The following TRAPPC9 variants were observed in gnomAD, a reference collection of about 807,000 sequenced individuals.
TRAPPC9 encodes IKK2 binding protein.
A neutral mutation model predicts 124.0 loss-of-function variants in TRAPPC9; 83 were observed. The ratio of observed to expected loss-of-function variants is 0.67; its 90% confidence interval spans 0.56 to 0.80. The LOEUF is 0.80. Ranked by LOEUF, TRAPPC9 falls within the 30% of genes least tolerant of loss-of-function variation. The pLI is 0.00. For synonymous variants in TRAPPC9, 638 were observed against 617.5 expected, an observed-to-expected ratio of 1.03 and a Z score of -0.49; for missense variants, 1,302 against 1,508.3, an observed-to-expected ratio of 0.86 and a Z score of 2.27.
chr8:139,889,670 G>A (rs1402221459), intron 20 of TRAPPC9, among the ~76,000 whole-genome samples: 2 of 152,222 alleles, frequency 1.3e-5, no homozygotes, highest in Non-Finnish European at 2.9e-5. Context: ...CCAGGAAGGA[G>A]GCTATAATTA....
rs114275201 is a variant in TRAPPC9 at position 139,969,786 on chromosome 8, A to G, written c.2810+18940T>C. Among the ~76,000 whole-genome samples, 523 of 152,338 alleles carry G rather than the reference A, an allele frequency of 3.4e-3. 5 individuals carry two copies. Among genetic ancestry groups the G allele is most frequent in the African/African-American group, 0.012 (493 of 41,566 alleles). On this transcript the variant is annotated intron_variant, in intron 19 of 22. Transcript: ENST00000438773. Reference sequence around the variant, plus strand: ...TGCCATGGCTGCTTTGATTGTGTCTATCTTGGGGAGTTTCCAGTGGCTAAT... The same window carrying G: ...TGCCATGGCTGCTTTGATTGTGTCTGTCTTGGGGAGTTTCCAGTGGCTAAT...
At chr8:140,287,389 T>C (rs896899014) in intron 13 of TRAPPC9, among the ~76,000 whole-genome samples, 1 of 151,940 alleles carries the variant, frequency 6.6e-6, no homozygotes, top group Non-Finnish European at 1.5e-5. Context: ...AGGAGGGGCA[T>C]GGGCAGTGGG....
At chr8:140,432,382 G>A (rs2132586537) in intron 4 of TRAPPC9, among the ~76,000 whole-genome samples, 1 of 152,182 alleles carries the variant, frequency 6.6e-6, no homozygotes, top group East Asian at 1.9e-4. Context: ...ATAAACAGAA[G>A]ACACAGGCTC....
intron 15 of TRAPPC9, among the ~76,000 whole-genome samples, chr8:140,255,608 G>A (rs934517559): frequency 3.9e-5 from 6 of 152,218 alleles, no homozygotes; most frequent in East Asian, 3.9e-4. Flanking sequence ...GCTGTGGACC[G>A]GGCGCAGTGA....
intron 19 of TRAPPC9, 42 bp downstream of exon 19, chr8:139,988,684 G>C: frequency 7.4e-7 from 1 of 1,357,918 alleles, no homozygotes; most frequent in Non-Finnish European, 1.0e-6. Context: ...GGTGAAGGCA[G>C]AGGGTGGCCT....
chr8:140,121,630 T>C (rs2060987504), intron 17 of TRAPPC9, among the ~76,000 whole-genome samples: 1 of 152,192 alleles, frequency 6.6e-6, no homozygotes, highest in Non-Finnish European at 1.5e-5. Context: ...GTTATAATTA[T>C]AGGCACACTG....
At chr8:139,835,569 T>G (rs1826281226) in intron 21 of TRAPPC9, among the ~76,000 whole-genome samples, 1 of 152,096 alleles carries the variant, frequency 6.6e-6, no homozygotes, top group Non-Finnish European at 1.5e-5. Flanking sequence ...CTGGGGACAG[T>G]GGGGAAAGCA....
At chr8:140,349,441 G>A (rs1325219816) in intron 9 of TRAPPC9, among the ~76,000 whole-genome samples, 2 of 145,920 alleles carry the variant, frequency 1.4e-5, no homozygotes, top group African/African-American at 2.5e-5. Context: ...ATGGGGGCGC[G>A]CGAGGGAAGG....
chr8:140,062,765 T>C (rs1020831139), intron 17 of TRAPPC9, among the ~76,000 whole-genome samples: 5 of 152,144 alleles, frequency 3.3e-5, no homozygotes, highest in African/African-American at 9.7e-5. Context: ...ACCTGGCACA[T>C]GGTGGCACTC....
intron 16 of TRAPPC9, among the ~76,000 whole-genome samples, chr8:140,226,750 A>C (rs1255926542): frequency 6.6e-6 from 1 of 152,146 alleles, no homozygotes; most frequent in African/African-American, 2.4e-5. Context: ...AACAGGAACC[A>C]ACTAAAAAAC....
intron 19 of TRAPPC9, among the ~76,000 whole-genome samples, chr8:139,982,243 A>G (rs1587407395): frequency 6.6e-6 from 1 of 152,284 alleles, no homozygotes; most frequent in African/African-American, 2.4e-5. Context: ...ATGGACGAGG[A>G]GGGAAGGCCG....
intron 20 of TRAPPC9, among the ~76,000 whole-genome samples, chr8:139,903,341 C>T (rs756688913): frequency 2.6e-5 from 4 of 152,086 alleles, no homozygotes; most frequent in Admixed American, 2.0e-4. Context: ...GAGGCGGATG[C>T]GCCTGGTGGG....
chr8:140,068,888 C>G (rs896429681), intron 17 of TRAPPC9, among the ~76,000 whole-genome samples: 1 of 152,200 alleles, frequency 6.6e-6, no homozygotes, highest in African/African-American at 2.4e-5. Flanking sequence ...ATCTGTGTAA[C>G]TATATTGAGT....
rs143954965 is a variant in TRAPPC9, at chr8:140,411,856, A to G, written c.887-6158T>C. 5.0e-3 allele frequency among the ~76,000 whole-genome samples: 767 copies of G among 152,300 alleles called. 1 individual carries two copies. The highest frequency in any genetic ancestry group is 7.4e-3 in the Non-Finnish European group (504 of 68,022). Reference sequence around the variant, plus strand: ...AATAAGTGGATGGATGGAAAGAAAGAAGGAGAAAAGAAAAAAAAAGCTCCT... The same window carrying G: ...AATAAGTGGATGGATGGAAAGAAAGGAGGAGAAAAGAAAAAAAAAGCTCCT... On this transcript the variant is annotated intron_variant, in intron 5 of 22. Transcript: ENST00000438773.
At chr8:139,807,780 G>C (rs1381028) in intron 21 of TRAPPC9, among the ~76,000 whole-genome samples, 85,036 of 151,886 alleles carry the variant, frequency 0.56, 24,109 homozygotes, top group African/African-American at 0.57. Context: ...GTAGAGCCCA[G>C]AGGAGGAGCT....
At chr8:140,126,973 C>T (rs960016304) in intron 17 of TRAPPC9, among the ~76,000 whole-genome samples, 5 of 152,174 alleles carry the variant, frequency 3.3e-5, no homozygotes, top group African/African-American at 1.2e-4. Context: ...GGGTGATAGA[C>T]GAGGCAGAGA....
chr8:139,937,356 G>A (rs557724803), intron 19 of TRAPPC9, among the ~76,000 whole-genome samples: 3 of 152,276 alleles, frequency 2.0e-5, no homozygotes, highest in South Asian at 2.1e-4. Flanking sequence ...CTGGGATTCC[G>A]TGTCATCCAA....
intron 11 of TRAPPC9, among the ~76,000 whole-genome samples, chr8:140,297,847 G>C (rs975234456): frequency 6.6e-6 from 1 of 152,222 alleles, no homozygotes. Context: ...TTGCCTGCAT[G>C]AACTAAACTG....
intron 20 of TRAPPC9, among the ~76,000 whole-genome samples, chr8:139,892,271 C>T (rs551377702): frequency 5.4e-4 from 82 of 152,282 alleles, no homozygotes; most frequent in African/African-American, 1.6e-3. Flanking sequence ...AGGGACACCA[C>T]GATGGCTCAT....
Sources: allele counts gnomAD v4.1 joint callset (sites outside exome capture counted in the v4.1 genomes callset), GRCh38; gene constraint gnomAD v4.1.1; transcripts MANE v1.5; gene names NCBI Gene and HGNC (gene_info 2026-07-23, HGNC 2026-07-21).